Variants in PAX5 observed in about 807,000 individuals in gnomAD.
PAX5 encodes the protein paired box protein Pax-5.
In PAX5, 9 loss-of-function variants were observed where a neutral mutation model predicts 43.7. That is an observed-to-expected ratio of 0.21 (90% CI 0.12 to 0.36). The LOEUF (loss-of-function observed/expected upper bound fraction) is 0.36. Among genes scored for constraint, PAX5 ranks in the 10% least tolerant of loss-of-function variants. PAX5 has a pLI of 1.00. For synonymous variants in PAX5, 228 were observed against 214.3 expected (o/e 1.06, Z -0.56); for missense variants, 383 against 532.7 (o/e 0.72, Z 2.77).
intron 8 of PAX5, among the ~76,000 whole-genome samples, chr9:36,860,500 G>T (rs1222509475): frequency 1.3e-5 from 2 of 152,172 alleles, no homozygotes; most frequent in Non-Finnish European, 2.9e-5. Flanking sequence ...GAGACAGGGG[G>T]CAGGGACTCG....
intron 7 of PAX5, among the ~76,000 whole-genome samples, chr9:36,895,770 A>T (rs1827810488): frequency 6.6e-6 from 1 of 152,140 alleles, no homozygotes; most frequent in African/African-American, 2.4e-5. Context: ...TAGGATTAGA[A>T]ACCCTAGCAG....
Position 36,893,815 on chromosome 9 carries a change from G to A in PAX5, c.911-11710C>T, listed in dbSNP as rs187920342. ...TTCGCTACTGTATCGGCGAGGTTCA[G>A]TAATGCTGGTTCCCAAAGATGAACC... On this transcript the variant is annotated intron_variant, in intron 7 of 9. Coordinates refer to ENST00000358127, the MANE Select transcript of PAX5 (RefSeq NM_016734.3). 3.4e-3 allele frequency among the ~76,000 whole-genome samples: 513 copies of A among 152,370 alleles called. 11 individuals carry two copies. Among genetic ancestry groups the A allele is most frequent in the Admixed American group, 0.031 (479 of 15,308 alleles).
chr9:37,030,278 G>A (rs1195379770), intron 1 of PAX5, among the ~76,000 whole-genome samples: 3 of 152,338 alleles, frequency 2.0e-5, no homozygotes, highest in African/African-American at 7.2e-5. Context: ...CCTCTGGGAA[G>A]TTCCAACCCC....
At chr9:36,930,216 C>CTTTTTT (rs144710055) in intron 6 of PAX5, among the ~76,000 whole-genome samples, 1 of 85,524 alleles carries the variant, frequency 1.2e-5, no homozygotes, top group African/African-American at 4.7e-5. Flanking sequence ...GATGGATGTC[C>CTTTTTT]TTTTTTTTTT....
intron 9 of PAX5, among the ~76,000 whole-genome samples, chr9:36,842,350 T>A (rs553752501): frequency 6.6e-6 from 1 of 152,070 alleles, no homozygotes; most frequent in East Asian, 1.9e-4. Context: ...GGCAGGGTAA[T>A]CACAGGGTCT....
chr9:36,905,803 C>T (rs1346011885), intron 7 of PAX5, among the ~76,000 whole-genome samples: 3 of 152,170 alleles, frequency 2.0e-5, no homozygotes, highest in African/African-American at 7.2e-5. Flanking sequence ...ATATGGGCTC[C>T]AGAGGTGTCT....
At chr9:36,984,045 C>T (rs190235882) in intron 5 of PAX5, among the ~76,000 whole-genome samples, 9 of 152,260 alleles carry the variant, frequency 5.9e-5, no homozygotes, top group Non-Finnish European at 8.8e-5. Context: ...TTTAGAAAAC[C>T]GTTTCCCAAA....
intron 1 of PAX5, among the ~76,000 whole-genome samples, chr9:37,029,106 T>C (rs1009688744): frequency 6.6e-6 from 1 of 152,168 alleles, no homozygotes; most frequent in African/African-American, 2.4e-5. Context: ...TGAGTGATGA[T>C]CCGCTAATAT....
At chr9:36,865,399 G>A (rs1049176527) in intron 8 of PAX5, among the ~76,000 whole-genome samples, 4 of 152,190 alleles carry the variant, frequency 2.6e-5, no homozygotes, top group African/African-American at 4.8e-5. Context: ...TAGCATGGGC[G>A]ATTCTCCTAG....
intron 5 of PAX5, among the ~76,000 whole-genome samples, chr9:36,985,868 G>A (rs1227737798): frequency 6.6e-6 from 1 of 152,190 alleles, no homozygotes; most frequent in Non-Finnish European, 1.5e-5. Flanking sequence ...TTTATGTCAG[G>A]GCATCATCCA....
intron 4 of PAX5, 104 bp from the exon 5 acceptor site, chr9:37,002,880 G>A (rs1322083236): frequency 1.5e-6 from 2 of 1,369,806 alleles, no homozygotes; most frequent in African/African-American, 2.9e-5. Context: ...AGCGAGCGCA[G>A]GGTGGGCAGG....
intron 5 of PAX5, among the ~76,000 whole-genome samples, chr9:36,975,566 T>C (rs906483397): frequency 6.6e-6 from 1 of 152,092 alleles, no homozygotes; most frequent in African/African-American, 2.4e-5. Context: ...TTTGCATTTT[T>C]AGTAGAGACG....
intron 6 of PAX5, among the ~76,000 whole-genome samples, chr9:36,936,039 G>A (rs1300049216): frequency 6.6e-6 from 1 of 152,238 alleles, no homozygotes; most frequent in Non-Finnish European, 1.5e-5. Flanking sequence ...GGTCAAGGCA[G>A]GGCTCACTCT....
chr9:36,904,431 A>T (rs1828650645), intron 7 of PAX5, among the ~76,000 whole-genome samples: 1 of 152,202 alleles, frequency 6.6e-6, no homozygotes. Flanking sequence ...ACTTCTCTGG[A>T]TGGGTTCATC....
chr9:36,944,924 G>A (rs968422614), intron 6 of PAX5, among the ~76,000 whole-genome samples: 1 of 152,196 alleles, frequency 6.6e-6, no homozygotes, highest in African/African-American at 2.4e-5. Context: ...AACACAGACC[G>A]AGCTGGAAGT....
At chr9:36,899,885 C>A (rs1775228037) in intron 7 of PAX5, among the ~76,000 whole-genome samples, 1 of 152,220 alleles carries the variant, frequency 6.6e-6, no homozygotes, top group South Asian at 2.1e-4. Flanking sequence ...TTCGTCCTTT[C>A]TTCAGGTGGT....
chr9:36,985,552 T>C (rs1836320934), intron 5 of PAX5, among the ~76,000 whole-genome samples: 1 of 152,154 alleles, frequency 6.6e-6, no homozygotes, highest in Admixed American at 6.5e-5. Flanking sequence ...CTTCTGCCCT[T>C]GGAACTCAAG....
chr9:37,034,098 C>CTTTTTTTTTTCTTTTTTTTTT lies in PAX5; in HGVS notation c.-68_-67insAAAAAAAAAAGAAAAAAAAAA. ...TCCACTTTTTTGTGCCTTTTTTTTT[C>CTTTTTTTTTTCTTTTTTTTTT]TTTTTTTTTTTTTTTTTTTTTTTTT... On this transcript the variant is annotated 5_prime_UTR_variant, in exon 1 of 10. Coordinates refer to ENST00000358127, the MANE Select transcript of PAX5 (RefSeq NM_016734.3). 3.2e-6 allele frequency: 1 copy of CTTTTTTTTTTCTTTTTTTTTT among 313,510 alleles called. No individual in the cohort carries two copies. Among genetic ancestry groups the CTTTTTTTTTTCTTTTTTTTTT allele is most frequent in the South Asian group, 3.0e-5 (1 of 33,740 alleles). The allele number at this position is 313,510 out of a possible 1,614,324, so 19.4% of individuals were successfully genotyped here. A position where few individuals can be genotyped will look rare whatever the true frequency, so the allele number is the denominator to read the frequency against.
At chr9:36,980,923 T>G (rs7019007) in intron 5 of PAX5, among the ~76,000 whole-genome samples, 14,670 of 152,066 alleles carry the variant, frequency 0.096, 863 homozygotes, top group African/African-American at 0.17. Context: ...TACTGGTACT[T>G]AACTGGGTAC....
Sources: gnomAD v4.1 joint callset for allele counts (sites outside exome capture counted in the v4.1 genomes callset) on GRCh38, gnomAD v4.1.1 for gene constraint, MANE v1.5 for transcripts, NCBI Gene and HGNC (gene_info 2026-07-23, HGNC 2026-07-21) for gene names.